TSN: variants seen among roughly 807,000 people sequenced by gnomAD.
The protein encoded by TSN is translin.
TSN carries 5 observed loss-of-function variants against 29.4 expected under a neutral mutation model. The ratio of observed to expected loss-of-function variants is 0.17; its 90% confidence interval spans 0.09 to 0.36. The LOEUF (loss-of-function observed/expected upper bound fraction) is 0.36. TSN is among the 10% of genes least tolerant of loss of function. The probability of loss-of-function intolerance (pLI) is 1.00; values close to 1 mark genes in which losing one functional copy is unlikely to be tolerated. For missense variants in TSN, 159 were observed against 272.8 expected (o/e 0.58, Z 2.94); for synonymous variants, 106 against 102.2 (o/e 1.04, Z -0.23).
intron 2 of TSN, 118 bp downstream of exon 2, chr2:121,757,451 G>A: frequency 1.3e-6 from 2 of 1,546,220 alleles, no homozygotes; most frequent in Non-Finnish European, 1.7e-6. Context: ...AAAAATTGAA[G>A]AAGTAGGTGA....
intron 3 of TSN, among the ~76,000 whole-genome samples, chr2:121,760,829 A>G (rs1558691462): frequency 6.7e-6 from 1 of 150,000 alleles, no homozygotes; most frequent in Admixed American, 6.6e-5. Flanking sequence ...AGAAGGCACA[A>G]TTGCTCTTGT....
chr2:121,763,203 CGCA>C, intron 5 of TSN, 119 bp downstream of exon 5: 1 of 663,080 alleles, frequency 1.5e-6, no homozygotes, highest in Non-Finnish European at 2.3e-6. Flanking sequence ...AGTGCAGTGG[CGCA>C]ATCTCGGCTC....
rs779634008 is a variant in TSN at position 121,758,736 on chromosome 2, G to C, written c.187G>C (p.Glu63Gln). The change falls in exon 3 of 6, where the codon GAA becomes CAA. Residue 63 changes from glutamate to glutamine, a missense_variant. By Grantham distance (29) the Glu-to-Gln change is conservative (BLOSUM62 2). Transcript: ENST00000389682. ...DIPKRCLKAR[E>Q]HFGTVKTHLT... ...TCCAAAGAGGTGTTTGAAAGCTCGA[G>C]AACATTTTGGTACAGTAAAAACACA... 5 of 1,585,780 alleles carry C rather than the reference G, an allele frequency of 3.2e-6. No individual in the cohort carries two copies. Among genetic ancestry groups the C allele is most frequent in the Non-Finnish European group, 1.7e-6 (2 of 1,168,142 alleles).
intron 5 of TSN, 103 bp from the exon 6 acceptor site, chr2:121,765,031 G>C: frequency 1.0e-6 from 1 of 992,902 alleles, no homozygotes; most frequent in Non-Finnish European, 1.6e-6. Flanking sequence ...GAAGATCAGC[G>C]TGGCTGTCTA....
intron 2 of TSN, chr2:121,757,608 A>G: frequency 2.2e-6 from 1 of 460,652 alleles, no homozygotes; most frequent in Non-Finnish European, 3.8e-6. Context: ...GCTCTCTGCC[A>G]GCACAGTATT....
chr2:121,762,504 A>T (rs2074846983), intron 4 of TSN, among the ~76,000 whole-genome samples: 1 of 152,242 alleles, frequency 6.6e-6, no homozygotes, highest in African/African-American at 2.4e-5. Context: ...AGCTAAAAAT[A>T]ACAATGGCAA....
chr2:121,755,884 T>A, intron 1 of TSN, 39 bp downstream of exon 1: 1 of 1,613,180 alleles, frequency 6.2e-7, no homozygotes, highest in Non-Finnish European at 8.5e-7. Context: ...TGCCTTTCCA[T>A]GCCTAGTTGG....
At chr2:121,756,044 T>G in intron 1 of TSN, 199 bp downstream of exon 1, 1 of 1,116,380 alleles carries the variant, frequency 9.0e-7, no homozygotes, top group South Asian at 1.7e-5. Context: ...TGTTCGAGTC[T>G]CAGCTTCTCA....
chr2:121,756,655 A>T (rs1332198060), intron 1 of TSN: 1 of 1,295,882 alleles, frequency 7.7e-7, no homozygotes, highest in Non-Finnish European at 1.0e-6. Flanking sequence ...CTGTAATTCC[A>T]GCATTTTGGG....
At chr2:121,756,594 C>A in intron 1 of TSN, 1 of 1,290,184 alleles carries the variant, frequency 7.8e-7, no homozygotes, top group Non-Finnish European at 1.0e-6. Flanking sequence ...CATAAGTATG[C>A]TCAGTGAATA....
intron 1 of TSN, chr2:121,756,212 C>T (rs1445020272): frequency 6.9e-6 from 2 of 289,544 alleles, no homozygotes; most frequent in Non-Finnish European, 1.3e-5. Flanking sequence ...CCTGTGATTT[C>T]CTATGCCACA....
In TSN at chr2:121,758,798, G is replaced by T; in HGVS notation, c.249G>T (p.Gln83His). The change falls in exon 3 of 6, where the codon CAG becomes CAT. Residue 83 changes from glutamine (Q) to histidine (H), a missense_variant. Around this residue, in one of 3 missense-constraint regions of TSN, gnomAD observed 31 missense variants for 26.1 expected, o/e 1.19. Transcript: ENST00000389682. ...TSLKTKFPAE[Q>H]YYRFHEHWRF... ...TGAAGACCAAATTTCCTGCTGAACA[G>T]TATTACAGGTTTGTAAGAAAAATAG... 1.3e-6 allele frequency: 2 copies of T among 1,543,426 alleles called. No homozygotes were observed. Among genetic ancestry groups the T allele is most frequent in the Non-Finnish European group, 1.7e-6 (2 of 1,149,586 alleles).
At chr2:121,760,255 T>G (rs2074805426) in intron 3 of TSN, among the ~76,000 whole-genome samples, 1 of 152,214 alleles carries the variant, frequency 6.6e-6, no homozygotes, top group East Asian at 1.9e-4. Context: ...TGCATGCTCC[T>G]TATGAGAATC....
At chr2:121,761,639 T>G in intron 4 of TSN, 115 bp downstream of exon 4, 1 of 783,098 alleles carries the variant, frequency 1.3e-6, no homozygotes, top group Non-Finnish European at 2.2e-6. Flanking sequence ...AAAAACCACT[T>G]ATAGTTGTAG....
rs1173121746 is a variant in TSN, at chr2:121,755,704, A to T, written c.-76A>T. ...GCGGTAGCGGCGGCCGTTGCGATTG[A>T]TTGCGCTGGTTGCCTGCGGCGTCCA... On this transcript the variant is annotated 5_prime_UTR_variant, in exon 1 of 6. Transcript: ENST00000389682. The T allele has an allele frequency of 6.9e-6, 11 of 1,586,156 alleles. No individual in the cohort carries two copies. Among genetic ancestry groups the T allele is most frequent in the Non-Finnish European group, 9.4e-6 (11 of 1,164,510 alleles).
intron 3 of TSN, among the ~76,000 whole-genome samples, chr2:121,760,543 T>G (rs2074809825): frequency 6.6e-6 from 1 of 152,200 alleles, no homozygotes; most frequent in Admixed American, 6.5e-5. Context: ...TTTTTGAATG[T>G]ATTGCCACAT....
intron 5 of TSN, among the ~76,000 whole-genome samples, chr2:121,764,016 C>G (rs1452294026): frequency 6.6e-6 from 1 of 152,204 alleles, no homozygotes; most frequent in Non-Finnish European, 1.5e-5. Flanking sequence ...CACATCTTCA[C>G]TCTAGCCAGC....
At position 121,766,268 on chromosome 2, in the gene TSN, A is replaced by G. The variant is rs2074899390; in HGVS notation, c.*901A>G. ...TCCTGACTATTATGTTGTTAGAGAAAAATGCTTTGCTTTGTCTGGAAGAAA... is the reference window on the plus strand; with the variant it reads ...TCCTGACTATTATGTTGTTAGAGAAGAATGCTTTGCTTTGTCTGGAAGAAA... On this transcript the variant is annotated 3_prime_UTR_variant, in exon 6 of 6. Transcript: ENST00000389682. 1 of 152,244 alleles carries G rather than the reference A, an allele frequency of 6.6e-6. No homozygotes were observed. The allele number at this position is 152,244 out of a possible 1,614,324, so 9.4% of individuals were successfully genotyped here.
chr2:121,756,626 G>C (rs1424741589), intron 1 of TSN: 5 of 1,297,830 alleles, frequency 3.9e-6, no homozygotes, highest in Non-Finnish European at 1.0e-6. Context: ...AATTAGAGGC[G>C]GGGAGCGGCG....
Sources: allele counts gnomAD v4.1 joint callset (sites outside exome capture counted in the v4.1 genomes callset), GRCh38; gene constraint gnomAD v4.1.1; regional missense constraint gnomAD v4.1.1; transcripts MANE v1.5; gene names NCBI Gene and HGNC (gene_info 2026-07-23, HGNC 2026-07-21).